INPP4B: variants seen among roughly 807,000 people sequenced by gnomAD.
INPP4B encodes inositol polyphosphate-4-phosphatase type II B, also known as inositol polyphosphate 4-phosphatase type II.
INPP4B carries 55 observed loss-of-function variants against 122.5 expected under a neutral mutation model. The ratio of observed to expected loss-of-function variants is 0.45; its 90% CI spans 0.36 to 0.56. The LOEUF (loss-of-function observed/expected upper bound fraction) is 0.56. Among genes scored for constraint, INPP4B ranks in the 20% least tolerant of loss-of-function variants. The pLI, the probability that INPP4B is intolerant of heterozygous loss-of-function variation, is 0.00. For synonymous variants in INPP4B, 403 were observed against 388.7 expected, an observed-to-expected ratio of 1.04 and a Z score of -0.43; for missense variants, 1,000 against 1,097.7, an observed-to-expected ratio of 0.91 and a Z score of 1.26.
intron 7 of INPP4B, among the ~76,000 whole-genome samples, chr4:142,402,699 A>C (rs1579964239): frequency 6.6e-6 from 1 of 152,310 alleles, no homozygotes; most frequent in East Asian, 1.9e-4. Flanking sequence ...TGTAAACCAA[A>C]AGATCAAGTC....
rs1332980597 is a variant in INPP4B at position 142,333,028 on chromosome 4, C to CA, written c.373-18267dup. Among the ~76,000 whole-genome samples, 429 of 124,804 alleles carry CA rather than the reference C, an allele frequency of 3.4e-3. 2 individuals are homozygous for CA. Among genetic ancestry groups the CA allele is most frequent in the Non-Finnish European group, 3.5e-3 (217 of 61,172 alleles). 81.9% of individuals were successfully genotyped at this position (124,804 alleles called of 152,430 possible). Reference sequence around the variant, plus strand: ...TCCGTCTCAAAAAAAAAAAAAAAAACAAAAAAAAAACCTTCTAAAACCGCA... The same window carrying CA: ...TCCGTCTCAAAAAAAAAAAAAAAAACAAAAAAAAAAACCTTCTAAAACCGCA... On this transcript the variant is annotated intron_variant, in intron 7 of 25. Coordinates refer to ENST00000262992, the MANE Select transcript of INPP4B (RefSeq NM_001101669.3).
At chr4:142,711,716 G>A (rs545236048) in intron 2 of INPP4B, among the ~76,000 whole-genome samples, 1 of 152,288 alleles carries the variant, frequency 6.6e-6, no homozygotes, top group African/African-American at 2.4e-5. Context: ...ATTAAGTCAT[G>A]AGGACAGAGC....
chr4:142,642,560 C>A (rs1750752196), intron 2 of INPP4B, among the ~76,000 whole-genome samples: 2 of 152,244 alleles, frequency 1.3e-5, no homozygotes, highest in South Asian at 2.1e-4. Context: ...TCAGGTTTGT[C>A]AAAGATCAGA....
intron 7 of INPP4B, among the ~76,000 whole-genome samples, chr4:142,348,668 C>G (rs1440734817): frequency 6.6e-6 from 1 of 151,998 alleles, no homozygotes; most frequent in Non-Finnish European, 1.5e-5. Flanking sequence ...CAACATTGCT[C>G]CAAGGCTGCA....
Position 142,362,808 on chromosome 4 carries a change from G to A in INPP4B, c.372+40130C>T, listed in dbSNP as rs374830395. ...ATTGGGTATACACAGACATAAAGAT[G>A]GGAGCAATGGACATTGAGTTTTCCA... is the stretch of plus-strand genomic sequence containing the variant. On this transcript the variant is annotated intron_variant, in intron 7 of 25. Transcript: ENST00000262992. 5.3e-5 allele frequency among the ~76,000 whole-genome samples: 8 copies of A among 152,098 alleles called. No individual in the cohort carries two copies. In the East Asian group the frequency reaches 5.8e-4, roughly 11 times the overall value.
chr4:142,183,260 A>G (rs753334691), intron 15 of INPP4B, among the ~76,000 whole-genome samples: 1 of 152,138 alleles, frequency 6.6e-6, no homozygotes, highest in Non-Finnish European at 1.5e-5. Flanking sequence ...TCTTCTCTCC[A>G]TCTGTGCTGA....
chr4:142,587,447 T>C (rs1440525531), intron 2 of INPP4B, among the ~76,000 whole-genome samples: 1 of 152,040 alleles, frequency 6.6e-6, no homozygotes, highest in Non-Finnish European at 1.5e-5. Context: ...CAATAATTAA[T>C]AACCTTCTGA....
intron 2 of INPP4B, among the ~76,000 whole-genome samples, chr4:142,546,236 CTCTA>C (rs1369789550): frequency 1.3e-5 from 2 of 152,086 alleles, no homozygotes; most frequent in Non-Finnish European, 2.9e-5. Flanking sequence ...TGGCCTCCAG[CTCTA>C]TCTATCTCCC....
At chr4:142,423,872 G>A (rs189538154) in intron 5 of INPP4B, 30 of 407,230 alleles carry the variant, frequency 7.4e-5, no homozygotes, top group Non-Finnish European at 1.1e-4. Flanking sequence ...TCTTCCCAAA[G>A]GATCAGGATG....
chr4:142,096,810 C>T (rs1328746497), intron 23 of INPP4B, among the ~76,000 whole-genome samples: 1 of 152,050 alleles, frequency 6.6e-6, no homozygotes, highest in Non-Finnish European at 1.5e-5. Context: ...AATCTACAAT[C>T]TTCAGTTCAC....
intron 2 of INPP4B, among the ~76,000 whole-genome samples, chr4:142,678,796 T>C (rs1293128089): frequency 6.6e-6 from 1 of 151,932 alleles, no homozygotes; most frequent in African/African-American, 2.4e-5. Flanking sequence ...CCTTGGAGCA[T>C]TTAGAAAGTT....
chr4:142,590,260 T>C (rs867384010), intron 2 of INPP4B, among the ~76,000 whole-genome samples: 3 of 152,200 alleles, frequency 2.0e-5, no homozygotes, highest in African/African-American at 7.2e-5. Flanking sequence ...ACTTAATGTA[T>C]GCAGAATTGT....
intron 2 of INPP4B, among the ~76,000 whole-genome samples, chr4:142,718,402 C>T (rs977328312): frequency 2.0e-5 from 3 of 152,128 alleles, no homozygotes; most frequent in Admixed American, 1.3e-4. Flanking sequence ...CTATAAATTA[C>T]GAAGAAAGTG....
chr4:142,301,082 T>C (rs532838270), intron 9 of INPP4B, among the ~76,000 whole-genome samples: 1 of 152,306 alleles, frequency 6.6e-6, no homozygotes, highest in South Asian at 2.1e-4. Context: ...GATTTTCAGC[T>C]TTTAAAACAG....
intron 1 of INPP4B, among the ~76,000 whole-genome samples, chr4:142,820,163 T>C (rs911320221): frequency 6.6e-6 from 1 of 152,138 alleles, no homozygotes; most frequent in Non-Finnish European, 1.5e-5. Context: ...TGTGCTATAG[T>C]TTAGAGATTC....
chr4:142,374,181 T>C (rs1002712122), intron 7 of INPP4B, among the ~76,000 whole-genome samples: 1 of 151,932 alleles, frequency 6.6e-6, no homozygotes, highest in Non-Finnish European at 1.5e-5. Context: ...CCCCATTTTA[T>C]TGATAAGTAA....
At position 142,124,735 on chromosome 4, in the gene INPP4B, G is replaced by A. The variant is rs768598892; in HGVS notation, c.1746C>T (p.Pro582=). The A allele has an allele frequency of 6.3e-7, 1 of 1,594,468 alleles. No homozygotes were observed. The highest frequency in any genetic ancestry group is 8.6e-7 in the Non-Finnish European group (1 of 1,166,396). ...PREDWYEQLY[P]LILTLKDCMG... ...TGCAGTCCTTCAGGGTAAGGATGAG[G>A]GGATACAACTGTTCATACCAGTCCT... Residue 582 remains proline, a synonymous_variant, in exon 19 of 26, where the codon CCC becomes CCT. Coordinates refer to ENST00000262992, the MANE Select transcript of INPP4B (RefSeq NM_001101669.3).
At chr4:142,140,153 G>C (rs994342488) in intron 18 of INPP4B, among the ~76,000 whole-genome samples, 5 of 152,220 alleles carry the variant, frequency 3.3e-5, no homozygotes, top group African/African-American at 1.2e-4. Context: ...GCAATGATAT[G>C]TGGACTAATT....
At chr4:142,192,333 TAAAA>T (rs71586265) in intron 15 of INPP4B, among the ~76,000 whole-genome samples, 10 of 8,970 alleles carry the variant, frequency 1.1e-3, no homozygotes, top group African/African-American at 1.4e-3. Flanking sequence ...AATCTAAAAG[TAAAA>T]AAAAAAAAAA....
Sources: gnomAD v4.1 joint callset for allele counts (sites outside exome capture counted in the v4.1 genomes callset) on GRCh38, gnomAD v4.1.1 for gene constraint, MANE v1.5 for transcripts, NCBI Gene and HGNC (gene_info 2026-07-23, HGNC 2026-07-21) for gene names.